Variants in DIAPH2 observed in about 807,000 individuals in gnomAD.
The protein encoded by DIAPH2 is diaphanous related formin 2.
A neutral mutation model predicts 92.7 loss-of-function variants in DIAPH2; 35 were observed. That is an observed-to-expected ratio of 0.38 (90% CI 0.29 to 0.50). DIAPH2 has a LOEUF of 0.50. Among genes scored for constraint, DIAPH2 ranks in the 20% least tolerant of loss-of-function variants. DIAPH2 has a pLI of 0.94. For synonymous variants in DIAPH2, 301 were observed against 280.4 expected (o/e 1.07, Z -0.73); for missense variants, 701 against 819.5 (o/e 0.86, Z 1.77).
intron 17 of DIAPH2, among the ~76,000 whole-genome samples, chrX:97,062,995 C>T (rs1019377641): frequency 4.9e-5 from 5 of 102,231 alleles, no homozygotes; most frequent in East Asian, 6.2e-4. Flanking sequence ...GATCATGCCA[C>T]TCCTCTCCAG....
At chrX:96,881,770 A>G in intron 5 of DIAPH2, 52 bp downstream of exon 5, 2 of 1,130,285 alleles carry the variant, frequency 1.8e-6, no homozygotes, top group Non-Finnish European at 2.4e-6. Context: ...TAGTGCATAT[A>G]ATTGTTTGGG....
chrX:97,431,566 A>G (rs1194408731), intron 26 of DIAPH2: 1 of 112,645 alleles, frequency 8.9e-6, no homozygotes, highest in Admixed American at 9.4e-5. Flanking sequence ...GCATAATTTT[A>G]TAGTACTGAT....
intron 4 of DIAPH2, among the ~76,000 whole-genome samples, chrX:96,802,624 A>C (rs750989696): frequency 9.0e-6 from 1 of 111,523 alleles, no homozygotes; most frequent in African/African-American, 3.3e-5. Flanking sequence ...ATATAGGGTA[A>C]ACTTAAGTAG....
At chrX:96,910,316 G>A (rs1353921853) in intron 5 of DIAPH2, among the ~76,000 whole-genome samples, 4 of 111,067 alleles carry the variant, frequency 3.6e-5, no homozygotes, top group South Asian at 3.8e-4. Flanking sequence ...GTGCCATATT[G>A]ATTTTTTTTC....
rs752605900 is a variant in DIAPH2, at chrX:97,165,916, GTCC to G, written c.2719+24134_2719+24136del. ...TCTTCTCTACTCTCTCTCTCTCTCTGTCCTCCTCCTCCTCTTTTTTTCTTTCTC... is the reference window on the plus strand; with the variant it reads ...TCTTCTCTACTCTCTCTCTCTCTCTGTCCTCCTCCTCTTTTTTTCTTTCTC... On this transcript the variant is annotated intron_variant, in intron 22 of 26. Coordinates refer to ENST00000324765, the MANE Select transcript of DIAPH2 (RefSeq NM_006729.5). 1.5e-4 allele frequency among the ~76,000 whole-genome samples: 17 copies of G among 110,175 alleles called. No homozygotes were observed. The East Asian group carries it at 1.7e-3, about 11-fold the overall frequency.
At chrX:97,258,559 C>T (rs975364752) in intron 23 of DIAPH2, among the ~76,000 whole-genome samples, 3 of 104,703 alleles carry the variant, frequency 2.9e-5, no homozygotes, top group East Asian at 3.0e-4. Flanking sequence ...GGAGACAGAG[C>T]GAGACTCCGC....
intron 22 of DIAPH2, among the ~76,000 whole-genome samples, chrX:97,223,948 T>G (rs2067945769): frequency 8.9e-6 from 1 of 111,806 alleles, no homozygotes; most frequent in East Asian, 2.8e-4. Flanking sequence ...GGATATGTCT[T>G]GAATATCAAG....
At chrX:97,187,281 C>CTTTTTTTTTTTTTTTTTTTTTTTTTTTT (rs763781923) in intron 22 of DIAPH2, among the ~76,000 whole-genome samples, 8 of 36,883 alleles carry the variant, frequency 2.2e-4, no homozygotes, top group African/African-American at 8.3e-4. Flanking sequence ...ATTAAGTAGC[C>CTTTTTTTTTTTTTTTTTTTTTTTTTTTT]TTTTTTTTTT....
At chrX:97,048,043 A>G (rs1392155794) in intron 17 of DIAPH2, among the ~76,000 whole-genome samples, 2 of 111,074 alleles carry the variant, frequency 1.8e-5, no homozygotes, top group African/African-American at 3.3e-5. Context: ...ACTGAGAAAC[A>G]CCAAGAAAGA....
chrX:96,791,358 A>G (rs963920566), intron 4 of DIAPH2, among the ~76,000 whole-genome samples: 1 of 111,735 alleles, frequency 8.9e-6, no homozygotes, highest in Non-Finnish European at 1.9e-5. Flanking sequence ...TGAGGCAAAG[A>G]AGTCTTAACA....
chrX:97,446,350 G>T (rs1452496085), intron 26 of DIAPH2, among the ~76,000 whole-genome samples: 1 of 111,755 alleles, frequency 8.9e-6, no homozygotes, highest in African/African-American at 3.2e-5. Flanking sequence ...AAAAAATTCT[G>T]TATTTCAATA....
intron 20 of DIAPH2, among the ~76,000 whole-genome samples, chrX:97,104,424 T>G (rs1489522136): frequency 1.8e-5 from 2 of 110,444 alleles, no homozygotes; most frequent in Non-Finnish European, 3.8e-5. Flanking sequence ...GTTCTCTCTG[T>G]GTCCCCCAGG....
At chrX:97,333,812 G>A (rs1026200543) in intron 23 of DIAPH2, among the ~76,000 whole-genome samples, 22 of 110,097 alleles carry the variant, frequency 2.0e-4, no homozygotes, top group Non-Finnish European at 3.8e-4. Context: ...TGATCCGCCC[G>A]CCTCGGCCTC....
intron 11 of DIAPH2, among the ~76,000 whole-genome samples, chrX:96,937,825 A>G (rs1182527733): frequency 8.9e-6 from 1 of 112,192 alleles, no homozygotes; most frequent in Non-Finnish European, 1.9e-5. Flanking sequence ...GATGCAATAG[A>G]ATCTGAATAT....
chrX:97,066,378 G>T (rs1292116054), intron 17 of DIAPH2, among the ~76,000 whole-genome samples: 1 of 112,217 alleles, frequency 8.9e-6, no homozygotes, highest in Non-Finnish European at 1.9e-5. Flanking sequence ...ATGCTGTACA[G>T]GTTTGTAGCC....
intron 23 of DIAPH2, among the ~76,000 whole-genome samples, chrX:97,272,038 G>T (rs989411542): frequency 9.1e-6 from 1 of 109,466 alleles, no homozygotes; most frequent in Non-Finnish European, 1.9e-5. Flanking sequence ...CGCTCTTGTT[G>T]CCCAGGCTGG....
intron 5 of DIAPH2, among the ~76,000 whole-genome samples, chrX:96,899,270 A>G (rs762413373): frequency 1.8e-5 from 2 of 109,300 alleles, no homozygotes; most frequent in Non-Finnish European, 3.8e-5. Flanking sequence ...GAAGAAAGTC[A>G]TTGGTAGCTT....
intron 23 of DIAPH2, among the ~76,000 whole-genome samples, chrX:97,282,159 C>G (rs1422999788): frequency 9.0e-6 from 1 of 111,731 alleles, no homozygotes; most frequent in Non-Finnish European, 1.9e-5. Flanking sequence ...TAGATGAAGT[C>G]TCCCAGGCTT....
At chrX:97,257,496 G>A (rs1399699024) in intron 23 of DIAPH2, among the ~76,000 whole-genome samples, 1 of 111,514 alleles carries the variant, frequency 9.0e-6, no homozygotes, top group Non-Finnish European at 1.9e-5. Context: ...CTAGTAAGTG[G>A]CTTTTCATAT....
Sources: allele counts gnomAD v4.1 joint callset (sites outside exome capture counted in the v4.1 genomes callset), GRCh38; gene constraint gnomAD v4.1.1; transcripts MANE v1.5; gene names NCBI Gene and HGNC (gene_info 2026-07-23, HGNC 2026-07-21).